Variants in ARID5B observed in about 807,000 individuals in gnomAD.
The protein encoded by ARID5B is AT-rich interactive domain-containing protein 5B.
Under a neutral mutation model 97.2 loss-of-function variants are expected in ARID5B, and 13 were observed. The ratio of observed to expected loss-of-function variants is 0.13; its 90% CI spans 0.09 to 0.21. ARID5B has a LOEUF of 0.21. Among genes scored for constraint, ARID5B ranks in the 10% least tolerant of loss-of-function variants. The pLI, the probability that ARID5B is intolerant of heterozygous loss-of-function variation, is 1.00. For missense variants in ARID5B, 1,210 were observed against 1,465.3 expected, an observed-to-expected ratio of 0.83 and a Z score of 2.84; for synonymous variants, 556 against 570.3, an observed-to-expected ratio of 0.97 and a Z score of 0.36.
chr10:62,016,060 A>G (rs190020006), intron 4 of ARID5B, among the ~76,000 whole-genome samples: 1 of 152,352 alleles, frequency 6.6e-6, no homozygotes, highest in East Asian at 1.9e-4. Context: ...CATTGCGGCT[A>G]AGGTTCCATC....
chr10:61,982,576 A>T (rs1838791272), intron 3 of ARID5B, among the ~76,000 whole-genome samples: 1 of 152,246 alleles, frequency 6.6e-6, no homozygotes. Flanking sequence ...TAGTCTCTTC[A>T]TCGTTATCCA....
In ARID5B at chr10:62,094,712, A is replaced by AT. The variant is rs2132991788; in HGVS notation, c.*1686dup. The AT allele has an allele frequency of 4.3e-6, 1 of 231,482 alleles. No homozygotes were observed. Among genetic ancestry groups the AT allele is most frequent in the East Asian group, 6.1e-5 (1 of 16,388 alleles). The allele number at this position is 231,482 out of a possible 1,614,324, so 14.3% of individuals were successfully genotyped here. ...AAAAGTCAATGGATACAGAGAGTGG[A>AT]TTTTCTCCCCAAGTCCCATCCCTGC... On this transcript the variant is annotated 3_prime_UTR_variant, in exon 10 of 10. Transcript: ENST00000279873.
chr10:61,934,784 G>A (rs1264182368), intron 2 of ARID5B, among the ~76,000 whole-genome samples: 1 of 152,156 alleles, frequency 6.6e-6, no homozygotes, highest in Non-Finnish European at 1.5e-5. Flanking sequence ...GGAGTCTGAG[G>A]CGGGTGGATC....
chr10:62,008,745 G>A (rs1034933307), intron 4 of ARID5B, among the ~76,000 whole-genome samples: 3 of 152,176 alleles, frequency 2.0e-5, no homozygotes, highest in Admixed American at 6.5e-5. Flanking sequence ...ACAGAAATGA[G>A]GATAGGGCTC....
chr10:62,013,335 T>C (rs1418914265), intron 4 of ARID5B, among the ~76,000 whole-genome samples: 1 of 152,210 alleles, frequency 6.6e-6, no homozygotes, highest in Non-Finnish European at 1.5e-5. Flanking sequence ...ACAAAAATTG[T>C]ACATGTCTAT....
intron 2 of ARID5B, among the ~76,000 whole-genome samples, chr10:61,928,827 G>A (rs7068371): frequency 0.037 from 5,687 of 152,274 alleles, 368 homozygotes; most frequent in African/African-American, 0.13. Flanking sequence ...TATCTGTAGT[G>A]TGAAACCTTT....
intron 8 of ARID5B, among the ~76,000 whole-genome samples, chr10:62,080,719 G>A (rs957514885): frequency 6.6e-6 from 1 of 152,140 alleles, no homozygotes; most frequent in African/African-American, 2.4e-5. Context: ...GAGGTGTAAT[G>A]ACTCCATTTG....
At chr10:61,922,740 A>G (rs538934964) in intron 2 of ARID5B, among the ~76,000 whole-genome samples, 30 of 152,376 alleles carry the variant, frequency 2.0e-4, no homozygotes, top group African/African-American at 6.0e-4. Flanking sequence ...TCATGAGTGT[A>G]TCTACAAGAG....
At chr10:62,025,962 T>C (rs1271780617) in intron 4 of ARID5B, among the ~76,000 whole-genome samples, 2 of 152,220 alleles carry the variant, frequency 1.3e-5, no homozygotes, top group Non-Finnish European at 2.9e-5. Flanking sequence ...ACCAAAGACC[T>C]TGCAAATTCT....
intron 3 of ARID5B, among the ~76,000 whole-genome samples, chr10:61,972,549 A>G (rs1838644091): frequency 6.6e-6 from 1 of 152,082 alleles, no homozygotes; most frequent in Non-Finnish European, 1.5e-5. Flanking sequence ...TTTCAAAAAC[A>G]CTTAATATGC....
At chr10:61,964,469 C>T (rs1201340046) in intron 3 of ARID5B, among the ~76,000 whole-genome samples, 51 of 152,138 alleles carry the variant, frequency 3.4e-4, no homozygotes, top group Non-Finnish European at 7.3e-5. Context: ...TAATGCTTAA[C>T]TGAATAGTGC....
Position 61,966,553 on chromosome 10 carries a change from T to C in ARID5B, c.502+26145T>C, listed in dbSNP as rs76418686. On this transcript the variant is annotated intron_variant, in intron 3 of 9. Coordinates refer to ENST00000279873, the MANE Select transcript of ARID5B (RefSeq NM_032199.3). ...TTTTTTTTTCACATGCTCTGAATTTTAGAAAATTCTTTGTTTTTACATGGA... is the reference window on the plus strand; with the variant it reads ...TTTTTTTTTCACATGCTCTGAATTTCAGAAAATTCTTTGTTTTTACATGGA... Among the ~76,000 whole-genome samples the C allele has an allele frequency of 8.7e-3, 1,325 of 152,318 alleles. 22 individuals are homozygous for C. The highest frequency in any genetic ancestry group is 0.029 in the African/African-American group (1,217 of 41,568).
intron 4 of ARID5B, among the ~76,000 whole-genome samples, chr10:62,045,467 G>T (rs1265769759): frequency 2.3e-5 from 3 of 130,302 alleles, no homozygotes; most frequent in African/African-American, 8.6e-5. Flanking sequence ...TTTTTTTTTA[G>T]ACGAAGTCTT....
intron 3 of ARID5B, among the ~76,000 whole-genome samples, chr10:61,973,718 G>A (rs1838662043): frequency 6.6e-6 from 1 of 152,156 alleles, no homozygotes; most frequent in Non-Finnish European, 1.5e-5. Flanking sequence ...AGGCTTTAAT[G>A]CCAATAAAAA....
At chr10:61,927,020 T>C (rs553639764) in intron 2 of ARID5B, among the ~76,000 whole-genome samples, 1 of 152,268 alleles carries the variant, frequency 6.6e-6, no homozygotes, top group South Asian at 2.1e-4. Flanking sequence ...ATCTAATAAT[T>C]GTCTTCTGGT....
Position 62,017,766 on chromosome 10 carries a change from G to A in ARID5B, c.733+17445G>A, listed in dbSNP as rs115123430. ...GAGCTCTTCATTCTTCACATTTTTA[G>A]CTCTAATTGCTTTTTTTCCCATATG... On this transcript the variant is annotated intron_variant, in intron 4 of 9. Coordinates refer to ENST00000279873, the MANE Select transcript of ARID5B (RefSeq NM_032199.3). 2.3e-3 allele frequency among the ~76,000 whole-genome samples: 353 copies of A among 152,218 alleles called. 5 individuals are homozygous for A. Among genetic ancestry groups the A allele is most frequent in the African/African-American group, 8.1e-3 (337 of 41,522 alleles).
At chr10:62,080,428 T>G (rs1840197045) in intron 8 of ARID5B, among the ~76,000 whole-genome samples, 1 of 152,226 alleles carries the variant, frequency 6.6e-6, no homozygotes, top group Non-Finnish European at 1.5e-5. Context: ...GCTGTTGATT[T>G]GGTTCCCTAC....
chr10:61,955,782 C>T (rs1460741625), intron 3 of ARID5B, among the ~76,000 whole-genome samples: 1 of 152,074 alleles, frequency 6.6e-6, no homozygotes, highest in Non-Finnish European at 1.5e-5. Context: ...TCTTGAGTAG[C>T]TGGGATTACA....
chr10:61,932,678 A>G (rs1844232356), intron 2 of ARID5B, among the ~76,000 whole-genome samples: 1 of 152,110 alleles, frequency 6.6e-6, no homozygotes, highest in Non-Finnish European at 1.5e-5. Context: ...TCATTTCACG[A>G]AAGATTACTC....
Sources: gnomAD v4.1 joint callset for allele counts (sites outside exome capture counted in the v4.1 genomes callset) on GRCh38, gnomAD v4.1.1 for gene constraint, MANE v1.5 for transcripts, NCBI Gene and HGNC (gene_info 2026-07-23, HGNC 2026-07-21) for gene names.